The following RNF138 variants were observed in gnomAD, a reference collection of about 807,000 sequenced individuals.
RNF138 encodes the protein E3 ubiquitin-protein ligase RNF138.
RNF138 carries 12 observed loss-of-function variants against 31.0 expected under a neutral mutation model. The observed-to-expected ratio is 0.39, with a 90% CI of 0.25 to 0.63. The LOEUF (loss-of-function observed/expected upper bound fraction) is 0.63, where lower values mean the gene tolerates loss of function less well. Ranked by LOEUF, RNF138 falls within the 20% of genes least tolerant of loss-of-function variation. The pLI is 0.52. For synonymous variants in RNF138, 105 were observed against 99.5 expected, an observed-to-expected ratio of 1.06 and a Z score of -0.33; for missense variants, 192 against 300.1, an observed-to-expected ratio of 0.64 and a Z score of 2.66.
intron 2 of RNF138, among the ~76,000 whole-genome samples, chr18:32,093,480 T>G (rs1381049364): frequency 6.6e-6 from 1 of 152,214 alleles, no homozygotes; most frequent in Non-Finnish European, 1.5e-5. Context: ...TCGTTTCCAG[T>G]CCACTATGTG....
At chr18:32,127,312 A>C (rs3980843) in intron 7 of RNF138, among the ~76,000 whole-genome samples, 1 of 152,230 alleles carries the variant, frequency 6.6e-6, no homozygotes, top group Non-Finnish European at 1.5e-5. Flanking sequence ...AAATGAATTC[A>C]TAAAGCAAAA....
intron 2 of RNF138, among the ~76,000 whole-genome samples, chr18:32,094,650 C>T (rs954079735): frequency 1.3e-5 from 2 of 151,958 alleles, no homozygotes; most frequent in African/African-American, 2.4e-5. Context: ...CAATATAGAT[C>T]TTCCACCTTT....
At chr18:32,112,030 T>G in intron 3 of RNF138, 111 bp downstream of exon 3, 1 of 911,760 alleles carries the variant, frequency 1.1e-6, no homozygotes, top group Middle Eastern at 3.1e-4. Context: ...ATGAAAGGTA[T>G]TTAGACTGGG....
At chr18:32,102,195 CTTTTTTTTT>C (rs1167535943) in intron 2 of RNF138, among the ~76,000 whole-genome samples, 3 of 63,812 alleles carry the variant, frequency 4.7e-5, no homozygotes, top group Non-Finnish European at 8.4e-5. Context: ...CTTTTAGTTT[CTTTTTTTTT>C]TTTTTTTTTT....
At chr18:32,111,210 T>C (rs994341484) in intron 2 of RNF138, among the ~76,000 whole-genome samples, 2 of 152,264 alleles carry the variant, frequency 1.3e-5, no homozygotes, top group African/African-American at 2.4e-5. Flanking sequence ...CACCTAACTT[T>C]GGGTAAAACC....
intron 2 of RNF138, among the ~76,000 whole-genome samples, chr18:32,096,872 A>AGG (rs2039816493): frequency 6.6e-6 from 1 of 152,088 alleles, no homozygotes; most frequent in African/African-American, 2.4e-5. Flanking sequence ...CTGGGACTAC[A>AGG]GGCACTCACC....
At chr18:32,123,363 G>A (rs946435484) in intron 4 of RNF138, among the ~76,000 whole-genome samples, 155 bp from the exon 5 acceptor site, 1 of 152,056 alleles carries the variant, frequency 6.6e-6, no homozygotes, top group African/African-American at 2.4e-5. Context: ...TTCAAATTTT[G>A]TTTTTTCAAG....
chr18:32,102,224 C>T (rs1260692021), intron 2 of RNF138, among the ~76,000 whole-genome samples: 15 of 99,374 alleles, frequency 1.5e-4, no homozygotes, highest in African/African-American at 5.0e-4. Flanking sequence ...TTTTTTGAGA[C>T]GGAGTCTTGT....
intron 2 of RNF138, among the ~76,000 whole-genome samples, chr18:32,110,527 A>G (rs1241700364): frequency 2.0e-5 from 3 of 152,170 alleles, no homozygotes; most frequent in African/African-American, 4.8e-5. Flanking sequence ...AGTGCTGCAT[A>G]GTTAGGAAAC....
chr18:32,096,548 G>T (rs749751834), intron 2 of RNF138, among the ~76,000 whole-genome samples: 2 of 152,108 alleles, frequency 1.3e-5, no homozygotes, highest in Non-Finnish European at 2.9e-5. Flanking sequence ...CCAAGTGTTG[G>T]AGAATACTTA....
intron 2 of RNF138, among the ~76,000 whole-genome samples, chr18:32,102,017 C>T (rs2039949272): frequency 6.6e-6 from 1 of 151,272 alleles, no homozygotes; most frequent in Non-Finnish European, 1.5e-5. Flanking sequence ...GCTGGGACTA[C>T]AGGCGTGCAC....
intron 6 of RNF138, among the ~76,000 whole-genome samples, chr18:32,125,447 C>T (rs1341125373): frequency 1.3e-5 from 2 of 152,080 alleles, no homozygotes; most frequent in Non-Finnish European, 2.9e-5. Context: ...AGAAGTGTTT[C>T]ATAGGTAAGT....
At chr18:32,127,523 T>C (rs1013413547) in intron 7 of RNF138, among the ~76,000 whole-genome samples, 31 of 152,354 alleles carry the variant, frequency 2.0e-4, no homozygotes, top group African/African-American at 7.0e-4. Flanking sequence ...TTTGTCTGCC[T>C]TCCAGTGTTG....
At chr18:32,106,173 G>A (rs34563658) in intron 2 of RNF138, among the ~76,000 whole-genome samples, 9,350 of 152,188 alleles carry the variant, frequency 0.061, 518 homozygotes, top group African/African-American at 0.15. Context: ...AGAATTGTTC[G>A]TATTTTTATT....
At chr18:32,125,420 C>T (rs2040368375) in intron 6 of RNF138, among the ~76,000 whole-genome samples, 2 of 152,050 alleles carry the variant, frequency 1.3e-5, no homozygotes, top group Admixed American at 1.3e-4. Flanking sequence ...TTCAGGATTC[C>T]AACATATAAT....
chr18:32,112,093 TA>T (rs980350492), intron 3 of RNF138, among the ~76,000 whole-genome samples, 174 bp downstream of exon 3: 13 of 151,948 alleles, frequency 8.6e-5, no homozygotes, highest in African/African-American at 3.1e-4. Context: ...TACTAGATTA[TA>T]AACTTACTGA....
chr18:32,123,426 A>G, intron 4 of RNF138, 92 bp from the exon 5 acceptor site: 1 of 813,890 alleles, frequency 1.2e-6, no homozygotes, highest in Non-Finnish European at 1.8e-6. Context: ...ACAAATTCAG[A>G]CTAGTCTTCT....
Position 32,102,820 on chromosome 18 carries a change from G to A in RNF138, c.111-8934G>A, listed in dbSNP as rs910778503. Among the ~76,000 whole-genome samples, 3 of 151,832 alleles carry A rather than the reference G, an allele frequency of 2.0e-5. No homozygotes were observed. In the South Asian group the frequency reaches 6.2e-4, roughly 31 times the overall value. On this transcript the variant is annotated intron_variant, in intron 2 of 7. Transcript: ENST00000261593. ...GCTAATTTTTATTTTCAGTAGAGAC[G>A]GGGTTTCACCATGTTGGCCAGGCTG...
rs1291084812 is a variant in RNF138, at chr18:32,130,571, AAGAAAG to A, written c.*1389_*1394del. The A allele has an allele frequency of 6.6e-6, 1 of 152,190 alleles. No homozygotes were observed. Among genetic ancestry groups the A allele is most frequent in the African/African-American group, 2.4e-5 (1 of 41,408 alleles). The allele number at this position is 152,190 out of a possible 1,614,324, so 9.4% of individuals were successfully genotyped here. Reference sequence around the variant, plus strand: ...CTTTAAAATAACTAGAAGAACATAAAAGAAAGAGAATCTCAGAAGTAGTTTGCTGCT... The same window carrying A: ...CTTTAAAATAACTAGAAGAACATAAAAGAATCTCAGAAGTAGTTTGCTGCT... On this transcript the variant is annotated 3_prime_UTR_variant, in exon 8 of 8. Transcript: ENST00000261593.
Sources: allele counts gnomAD v4.1 joint callset (sites outside exome capture counted in the v4.1 genomes callset), GRCh38; gene constraint gnomAD v4.1.1; transcripts MANE v1.5; gene names NCBI Gene and HGNC (gene_info 2026-07-23, HGNC 2026-07-21).